FAAH2: variants seen among roughly 807,000 people sequenced by gnomAD.
The protein encoded by FAAH2 is fatty acid amide hydrolase 2, also known as fatty-acid amide hydrolase 2.
Under a neutral mutation model 36.9 loss-of-function variants are expected in FAAH2, and 60 were observed. That is an observed-to-expected ratio of 1.63 (90% CI 1.32 to 2.02). The LOEUF (loss-of-function observed/expected upper bound fraction) is 2.02, where lower values mean the gene tolerates loss of function less well. Among genes scored for constraint, FAAH2 ranks in the 30% most tolerant of loss-of-function variants. FAAH2 has a pLI of 0.00. For missense variants in FAAH2, 689 were observed against 397.5 expected (o/e 1.73, Z -6.23); for synonymous variants, 214 against 143.8 (o/e 1.49, Z -3.49).
At chrX:57,435,948 A>G (rs1402394453) in intron 8 of FAAH2, among the ~76,000 whole-genome samples, 1 of 111,544 alleles carries the variant, frequency 9.0e-6, no homozygotes, top group East Asian at 2.8e-4. Flanking sequence ...ATGACCTTGT[A>G]TAGACCTTGT....
the FAAH2 span, among the ~76,000 whole-genome samples, chrX:57,197,521 G>T: frequency 1.0e-5 from 1 of 99,900 alleles, no homozygotes; most frequent in Non-Finnish European, 2.0e-5. Flanking sequence ...GAAACCTGGG[G>T]CTCAAGGGCT....
intron 10 of FAAH2, among the ~76,000 whole-genome samples, chrX:57,466,156 C>CTCTCTCTCTATATATATA (rs1287266105): frequency 9.0e-5 from 6 of 66,388 alleles, no homozygotes; most frequent in Non-Finnish European, 1.6e-4. Context: ...CTCTCTCTCT[C>CTCTCTCTCTATATATATA]TATATATATA....
At chrX:57,452,347 C>T (rs1055133185) in intron 10 of FAAH2, 75 of 746,175 alleles carry the variant, frequency 1.0e-4, no homozygotes, top group Non-Finnish European at 1.1e-4. Flanking sequence ...TCTCAAGAGT[C>T]CCTCTTGTAC....
chrX:57,351,301 T>C (rs1341358870), intron 5 of FAAH2, among the ~76,000 whole-genome samples: 3 of 110,918 alleles, frequency 2.7e-5, no homozygotes, highest in Non-Finnish European at 3.8e-5. Context: ...AAAATGGAAA[T>C]GCAATGTAGT....
intron 5 of FAAH2, among the ~76,000 whole-genome samples, chrX:57,373,899 G>A (rs2054608900): frequency 9.0e-6 from 1 of 111,519 alleles, no homozygotes; most frequent in Non-Finnish European, 1.9e-5. Flanking sequence ...TTTTGTGTAA[G>A]GTGAGAGATG....
the FAAH2 span, among the ~76,000 whole-genome samples, chrX:57,191,415 A>G: frequency 9.0e-6 from 1 of 111,362 alleles, no homozygotes; most frequent in Non-Finnish European, 1.9e-5. Context: ...GTAATTTGCA[A>G]ATATTTTCCA....
chrX:57,150,653 T>G, the FAAH2 span, among the ~76,000 whole-genome samples: 1 of 112,145 alleles, frequency 8.9e-6, no homozygotes, highest in South Asian at 3.7e-4. Context: ...CCTATGTGTA[T>G]CTCTGCATGT....
chrX:57,373,519 A>G, intron 5 of FAAH2, among the ~76,000 whole-genome samples: 1 of 110,272 alleles, frequency 9.1e-6, no homozygotes, highest in East Asian at 2.9e-4. Flanking sequence ...GGCCATTTGT[A>G]TATCTGCTTT....
In FAAH2 at chrX:57,469,584, C is replaced by T. The variant is rs773711998; in HGVS notation, c.1424-19173C>T. 3.6e-5 allele frequency among the ~76,000 whole-genome samples: 4 copies of T among 111,821 alleles called. No individual in the cohort carries two copies. The East Asian group carries it at 1.1e-3, about 31-fold the overall frequency. ...TACATCTGCACCCAATACAGGAGCA[C>T]CCAGATTCATAAAGCAAGTCCTGAG... On this transcript the variant is annotated intron_variant, in intron 10 of 10. Transcript: ENST00000374900.
At chrX:57,469,696 A>G (rs2057122880) in intron 10 of FAAH2, among the ~76,000 whole-genome samples, 1 of 111,643 alleles carries the variant, frequency 9.0e-6, no homozygotes, top group African/African-American at 3.3e-5. Context: ...TCAGTGAGAC[A>G]GAAAGTTAAC....
At chrX:57,348,264 C>T (rs919479186) in intron 5 of FAAH2, among the ~76,000 whole-genome samples, 4 of 110,577 alleles carry the variant, frequency 3.6e-5, no homozygotes, top group Non-Finnish European at 3.8e-5. Context: ...GCAACTACCA[C>T]GTCAACTGGC....
the FAAH2 span, among the ~76,000 whole-genome samples, chrX:57,146,499 A>G: frequency 9.0e-6 from 1 of 111,722 alleles, no homozygotes; most frequent in Non-Finnish European, 1.9e-5. Context: ...ATCTGATCAT[A>G]TCATCAGCAA....
At chrX:57,285,992 A>T (rs567305267), upstream of FAAH2, among the ~76,000 whole-genome samples, 2 of 111,830 alleles carry the variant, frequency 1.8e-5, no homozygotes, top group African/African-American at 6.5e-5. Context: ...GAGAAATGGA[A>T]GAATCTGAAG....
the FAAH2 span, among the ~76,000 whole-genome samples, chrX:57,165,851 G>A: frequency 6.3e-5 from 7 of 110,889 alleles, no homozygotes; most frequent in Admixed American, 1.9e-4. Flanking sequence ...TGTGCCTGCA[G>A]ACCTAAGTGA....
the FAAH2 span, among the ~76,000 whole-genome samples, chrX:57,247,506 A>C: frequency 9.0e-6 from 1 of 111,050 alleles, no homozygotes; most frequent in Middle Eastern, 4.6e-3. Flanking sequence ...CTCTCTCTTA[A>C]CAGCACCAGA....
intron 2 of FAAH2, among the ~76,000 whole-genome samples, chrX:57,306,998 C>CATAT (rs1338855632): frequency 5.7e-5 from 2 of 34,946 alleles, no homozygotes; most frequent in African/African-American, 1.4e-4. Context: ...CACACAGATA[C>CATAT]ATATATATAT....
In FAAH2 at chrX:57,487,130, C is replaced by T. The variant is rs922658154; in HGVS notation, c.1424-1627C>T. ...TCCACACACCCACCGTATACAAAAA[C>T]TAATGTAAAATAAATAGGAGACCTA... is the stretch of plus-strand genomic sequence containing the variant. On this transcript the variant is annotated intron_variant, in intron 10 of 10. Coordinates refer to ENST00000374900, the MANE Select transcript of FAAH2 (RefSeq NM_174912.4). Among the ~76,000 whole-genome samples the T allele has an allele frequency of 7.2e-5, 8 of 110,705 alleles. No individual in the cohort carries two copies. In the Admixed American group the frequency reaches 7.7e-4, roughly 11 times the overall value.
At chrX:57,272,841 C>T in the FAAH2 span, among the ~76,000 whole-genome samples, 2 of 112,043 alleles carry the variant, frequency 1.8e-5, no homozygotes, top group Admixed American at 9.5e-5. Context: ...GAAGAAACCG[C>T]ATTAACTAAC....
chrX:57,198,529 C>A, the FAAH2 span, among the ~76,000 whole-genome samples: 1 of 112,632 alleles, frequency 8.9e-6, no homozygotes, highest in South Asian at 3.6e-4. Context: ...GGCTGTCAGG[C>A]CCCTCTGCTC....
Sources: gnomAD v4.1 joint callset for allele counts (sites outside exome capture counted in the v4.1 genomes callset) on GRCh38, gnomAD v4.1.1 for gene constraint, MANE v1.5 for transcripts, NCBI Gene and HGNC (gene_info 2026-07-23, HGNC 2026-07-21) for gene names.